Variants in DHX9 observed in about 807,000 individuals in gnomAD.
DHX9 encodes the protein ATP-dependent RNA helicase A.
Under a neutral mutation model 148.7 loss-of-function variants are expected in DHX9, and 27 were observed. That is an observed-to-expected ratio of 0.18 (90% CI 0.13 to 0.25). The LOEUF (loss-of-function observed/expected upper bound fraction) is 0.25, where lower values mean the gene tolerates loss of function less well. DHX9 is among the 10% of genes least tolerant of loss of function. The pLI is 1.00. For synonymous variants in DHX9, 529 were observed against 516.6 expected (o/e 1.02, Z -0.33); for missense variants, 796 against 1,559.6 (o/e 0.51, Z 8.25).
In DHX9 at chr1:182,887,194, T is replaced by TGGAGGCTATGGTAGC. The variant is rs533935555; in HGVS notation, c.3586_3600dup (p.Ser1196_Gly1200dup). 2 of 1,614,012 alleles carry TGGAGGCTATGGTAGC rather than the reference T, an allele frequency of 1.2e-6. No homozygotes were observed. The highest frequency in any genetic ancestry group is 1.7e-5 in the Admixed American group (1 of 59,998). On this transcript the variant is annotated inframe_insertion, in exon 28 of 28. Coordinates refer to ENST00000367549, the MANE Select transcript of DHX9 (RefSeq NM_001357.5). ...GAGGCTATGGCGGTGGCTATAGCAG[T>TGGAGGCTATGGTAGC]GGAGGCTATGGTAGCGGAGGCTATG...
chr1:182,875,120 C>G lies in DHX9; in HGVS notation c.1815+166C>G, dbSNP rs565317018. The stretch of plus-strand genomic sequence containing the variant: ...TGATGTATTTTACTGCAAAAAAATT[C>G]CAGGTTCAGTGACAAGCTGTTTTCT... On this transcript the variant is annotated intron_variant, in intron 16 of 27. Coordinates refer to ENST00000367549, the MANE Select transcript of DHX9 (RefSeq NM_001357.5). The G allele has an allele frequency of 1.2e-4, 81 of 666,584 alleles. 2 individuals are homozygous for G. The highest frequency in any genetic ancestry group is 1.1e-3 in the South Asian group (75 of 66,370). The allele number at this position is 666,584 out of a possible 1,614,324, so 41.3% of individuals were successfully genotyped here.
At chr1:182,874,679 A>T (rs1285047484) in intron 15 of DHX9, among the ~76,000 whole-genome samples, 175 bp from the exon 16 acceptor site, 1 of 152,210 alleles carries the variant, frequency 6.6e-6, no homozygotes, top group African/African-American at 2.4e-5. Flanking sequence ...AGAGAGGGAA[A>T]CACTGAGTTT....
chr1:182,864,020 T>A (rs947437151), intron 12 of DHX9, among the ~76,000 whole-genome samples: 1 of 152,080 alleles, frequency 6.6e-6, no homozygotes, highest in African/African-American at 2.4e-5. Context: ...AAAAATTAAT[T>A]AGGCGTGATG....
Position 182,887,703 on chromosome 1 carries a change from T to G in DHX9, c.*269T>G, listed in dbSNP as rs1649399626. On this transcript the variant is annotated 3_prime_UTR_variant, in exon 28 of 28. Transcript: ENST00000367549. ...ATTTGCCTTTAAATAACTTGGTATTTTCCTGGCTTTCGTTTAATACAATAG... is the reference window on the plus strand; with the variant it reads ...ATTTGCCTTTAAATAACTTGGTATTGTCCTGGCTTTCGTTTAATACAATAG... 3 of 372,810 alleles carry G rather than the reference T, an allele frequency of 8.0e-6. No individual in the cohort carries two copies. The highest frequency in any genetic ancestry group is 4.7e-5 in the East Asian group (1 of 21,104). 23.1% of individuals were successfully genotyped at this position (372,810 alleles called of 1,614,324 possible). A position where few individuals can be genotyped will look rare whatever the true frequency, so the allele number is the denominator to read the frequency against.
At chr1:182,878,432 C>T (rs529737764) in intron 20 of DHX9, among the ~76,000 whole-genome samples, 193 of 152,258 alleles carry the variant, frequency 1.3e-3, no homozygotes, top group Non-Finnish European at 2.0e-3. Flanking sequence ...CTCCTTAGGC[C>T]TGCATTTCCC....
At chr1:182,849,990 CCCT>C (rs1238046692) in intron 3 of DHX9, among the ~76,000 whole-genome samples, 4 of 148,576 alleles carry the variant, frequency 2.7e-5, no homozygotes, top group South Asian at 2.1e-4. Flanking sequence ...GTACCCCCCC[CCCT>C]TTTTTTTTTA....
At chr1:182,866,112 T>A (rs550735965) in intron 12 of DHX9, among the ~76,000 whole-genome samples, 8 of 152,320 alleles carry the variant, frequency 5.3e-5, no homozygotes, top group African/African-American at 1.7e-4. Context: ...CTCAGTTAAA[T>A]AATTTTCTAA....
At chr1:182,885,927 C>T (rs532818629) in intron 27 of DHX9, among the ~76,000 whole-genome samples, 66 of 152,174 alleles carry the variant, frequency 4.3e-4, no homozygotes, top group African/African-American at 1.5e-3. Flanking sequence ...AGCAAGGAGC[C>T]GCTGTGTATA....
intron 21 of DHX9, 116 bp downstream of exon 21, chr1:182,879,526 GATAATAATAGTAAGGCCT>G (rs1648986013): frequency 1.5e-5 from 15 of 988,284 alleles, no homozygotes; most frequent in Non-Finnish European, 1.8e-5. Flanking sequence ...ACAGGGCTGT[GATAATAATAGTAAGGCCT>G]CCAGTCTTAC....
chr1:182,859,140 A>G (rs371598256), intron 11 of DHX9, 23 bp downstream of exon 11: 2 of 1,596,548 alleles, frequency 1.3e-6, no homozygotes, highest in Non-Finnish European at 8.6e-7. Context: ...TATTTAGACA[A>G]GTAGTGCTCA....
chr1:182,867,958 C>T (rs761117884), intron 14 of DHX9, among the ~76,000 whole-genome samples: 3 of 152,182 alleles, frequency 2.0e-5, no homozygotes, highest in Non-Finnish European at 4.4e-5. Context: ...AAACTGTCAA[C>T]CATAACTCAA....
At chr1:182,864,777 C>T (rs1297391924) in intron 12 of DHX9, among the ~76,000 whole-genome samples, 2 of 152,208 alleles carry the variant, frequency 1.3e-5, no homozygotes, top group African/African-American at 4.8e-5. Context: ...ATCATGGTTT[C>T]TTAGCACCTC....
At position 182,854,361 on chromosome 1, in the gene DHX9, CAT is replaced by C. The variant is rs57089513; in HGVS notation, c.626+184_626+185del. Among the ~76,000 whole-genome samples the C allele has an allele frequency of 1.3e-3, 198 of 152,352 alleles. 1 individual carries two copies. Among genetic ancestry groups the C allele is most frequent in the African/African-American group, 3.6e-3 (151 of 41,572 alleles). On this transcript the variant is annotated intron_variant, in intron 6 of 27. Transcript: ENST00000367549. Reference sequence around the variant, plus strand: ...ATTTGTGCAGTTTCCATGGTTTTCACATGAGTGAATTTTAGCTGTGTAAGAAG... The same window carrying C: ...ATTTGTGCAGTTTCCATGGTTTTCACGAGTGAATTTTAGCTGTGTAAGAAG...
intron 13 of DHX9, 62 bp downstream of exon 13, chr1:182,866,647 T>C (rs1303206804): frequency 1.4e-5 from 21 of 1,522,974 alleles, no homozygotes; most frequent in Non-Finnish European, 1.8e-5. Context: ...GAAAACTTGA[T>C]AGCAGAACAG....
rs779311463 is a variant in DHX9 at position 182,878,158 on chromosome 1, G to A, written c.2336G>A (p.Arg779Gln). The change falls in exon 20 of 28, where the codon CGA (arginine) becomes CAA (glutamine). Residue 779 changes from arginine to glutamine, a missense_variant. Arg to Gln is a conservative substitution (Grantham distance 43). Transcript: ENST00000367549. ...GGATTCTGCTTTCACCTGTGCAGCC[G>A]AGCTCGTTTTGAGAGGTAAGACCCA... ...RPGFCFHLCS[R>Q]ARFERLETHM... 5.7e-5 allele frequency: 92 copies of A among 1,614,048 alleles called. No individual in the cohort carries two copies. Among genetic ancestry groups the A allele is most frequent in the Non-Finnish European group, 7.4e-5 (87 of 1,180,038 alleles).
chr1:182,880,655 C>A, intron 22 of DHX9, 47 bp downstream of exon 22: 3 of 1,264,060 alleles, frequency 2.4e-6, no homozygotes, highest in Non-Finnish European at 3.5e-6. Context: ...AGAATAATTT[C>A]AGAATCTTCT....
At chr1:182,843,780 A>G (rs569883331) in intron 3 of DHX9, among the ~76,000 whole-genome samples, 112 of 152,308 alleles carry the variant, frequency 7.4e-4, no homozygotes, top group African/African-American at 2.7e-3. Context: ...TATTTTAGAC[A>G]TGTTTGCTCC....
chr1:182,874,743 C>T, intron 15 of DHX9, 111 bp from the exon 16 acceptor site: 2 of 797,136 alleles, frequency 2.5e-6, no homozygotes, highest in South Asian at 3.3e-5. Flanking sequence ...TGTGAAGAAT[C>T]AGACTAGAGG....
chr1:182,841,953 A>G (rs945930027), intron 1 of DHX9, among the ~76,000 whole-genome samples: 1 of 152,232 alleles, frequency 6.6e-6, no homozygotes, highest in African/African-American at 2.4e-5. Context: ...ACTTTATTAT[A>G]TTATTAATAC....
Sources: gnomAD v4.1 joint callset for allele counts (sites outside exome capture counted in the v4.1 genomes callset) on GRCh38, gnomAD v4.1.1 for gene constraint, MANE v1.5 for transcripts, NCBI Gene and HGNC (gene_info 2026-07-23, HGNC 2026-07-21) for gene names.